Variants in DHRSX observed in about 807,000 individuals in gnomAD.
DHRSX encodes the protein dehydrogenase/reductase X-linked.
A neutral mutation model predicts 34.0 loss-of-function variants in DHRSX; 31 were observed. That is an observed-to-expected ratio of 0.91 (90% confidence interval 0.69 to 1.23). DHRSX has a LOEUF of 1.23. DHRSX is among the 50% of genes most tolerant of loss of function. The pLI, the probability that DHRSX is intolerant of heterozygous loss-of-function variation, is 0.00. For synonymous variants in DHRSX, 201 were observed against 183.8 expected (o/e 1.09, Z -0.76); for missense variants, 414 against 428.1 (o/e 0.97, Z 0.29).
intron 1 of DHRSX, among the ~76,000 whole-genome samples, chrX:2,460,136 C>G (rs1301476057): frequency 2.0e-5 from 3 of 152,002 alleles, no homozygotes; most frequent in Non-Finnish European, 4.4e-5. Context: ...AAAAAAGTAT[C>G]CACACTGCAG....
rs750263296 is a variant in DHRSX, at chrX:2,404,584, C to G, written c.286+4161G>C. 7.2e-5 allele frequency among the ~76,000 whole-genome samples: 11 copies of G among 152,302 alleles called. No individual in the cohort carries two copies. The South Asian group carries it at 2.3e-3, about 32-fold the overall frequency. On this transcript the variant is annotated intron_variant, in intron 3 of 6. Coordinates refer to ENST00000334651, the MANE Select transcript of DHRSX (RefSeq NM_145177.3). ...CAAGCATTATAAAAACTCTGCTTCTCTAGCTATACAGCTACAAAGTCACTA... is the reference window on the plus strand; with the variant it reads ...CAAGCATTATAAAAACTCTGCTTCTGTAGCTATACAGCTACAAAGTCACTA...
chrX:2,231,712 CT>C (rs369016684), intron 6 of DHRSX, among the ~76,000 whole-genome samples: 5 of 149,220 alleles, frequency 3.4e-5, no homozygotes, highest in South Asian at 2.1e-4. Context: ...CTCTATTCCT[CT>C]TTTTTTCTCC....
rs1210789022 is a variant in DHRSX at position 2,393,810 on chromosome X, G to A, written c.286+14935C>T. 1.0e-3 allele frequency among the ~76,000 whole-genome samples: 49 copies of A among 48,542 alleles called. 4 individuals carry two copies. Among genetic ancestry groups the A allele is most frequent in the Non-Finnish European group, 1.7e-3 (41 of 23,880 alleles). The allele number at this position is 48,542 out of a possible 152,430, so 31.8% of individuals were successfully genotyped here. A position where few individuals can be genotyped will look rare whatever the true frequency, so the allele number is the denominator to read the frequency against. On this transcript the variant is annotated intron_variant, in intron 3 of 6. Transcript: ENST00000334651. ...GGACCTCCCTGTCTCCTGCACACACGACACACAGGGACCTCCCCGTCTCCT... is the reference window on the plus strand; with the variant it reads ...GGACCTCCCTGTCTCCTGCACACACAACACACAGGGACCTCCCCGTCTCCT...
intron 2 of DHRSX, among the ~76,000 whole-genome samples, chrX:2,417,209 T>C (rs2043705686): frequency 6.6e-6 from 1 of 152,234 alleles, no homozygotes; most frequent in Admixed American, 6.5e-5. Flanking sequence ...GGTGCTGACA[T>C]ATACTGCTCC....
rs112253934 is a variant in DHRSX at position 2,232,332 on chromosome X, A to AAACAACAAC, written c.804+10682_804+10690dup. ...ATGAACTTGTATCCACTTGTTTTGA[A>AAACAACAAC]AACAACAACAACTAAAGCAACAGAA... On this transcript the variant is annotated intron_variant, in intron 6 of 6. Coordinates refer to ENST00000334651, the MANE Select transcript of DHRSX (RefSeq NM_145177.3). Among the ~76,000 whole-genome samples the AAACAACAAC allele has an allele frequency of 5.5e-4, 83 of 151,442 alleles. 1 individual carries two copies. The East Asian group carries it at 0.015, about 27-fold the overall frequency.
chrX:2,297,318 T>G (rs1462955199), intron 3 of DHRSX, among the ~76,000 whole-genome samples: 6 of 152,166 alleles, frequency 3.9e-5, no homozygotes, highest in African/African-American at 1.4e-4. Flanking sequence ...AGATCGGATT[T>G]TGCAATATTG....
intron 1 of DHRSX, among the ~76,000 whole-genome samples, chrX:2,494,552 A>G (rs898398154): frequency 5.9e-5 from 9 of 151,960 alleles, no homozygotes; most frequent in South Asian, 2.1e-4. Context: ...GGTACCTGGA[A>G]CAAAAGTTTA....
At chrX:2,441,623 C>T (rs2044063497) in intron 1 of DHRSX, among the ~76,000 whole-genome samples, 1 of 152,156 alleles carries the variant, frequency 6.6e-6, no homozygotes, top group African/African-American at 2.4e-5. Flanking sequence ...ATAGAATTCC[C>T]TCTTCCTTGG....
At chrX:2,391,819 G>A (rs1454982968) in intron 3 of DHRSX, among the ~76,000 whole-genome samples, 15 of 151,928 alleles carry the variant, frequency 9.9e-5, no homozygotes, top group African/African-American at 2.4e-5. Flanking sequence ...CCCAGCTACT[G>A]GGGAGACTGA....
intron 1 of DHRSX, among the ~76,000 whole-genome samples, chrX:2,467,023 C>T (rs1373335441): frequency 3.3e-5 from 5 of 150,844 alleles, no homozygotes; most frequent in Non-Finnish European, 7.4e-5. Flanking sequence ...CGAGATCGCG[C>T]CATTGCACTC....
chrX:2,370,590 G>GAAAAAAAAAAAACAAAA (rs2043045619), intron 3 of DHRSX, among the ~76,000 whole-genome samples: 1 of 132,696 alleles, frequency 7.5e-6, no homozygotes, highest in Non-Finnish European at 1.6e-5. Flanking sequence ...TGGTTTTACT[G>GAAAAAAAAAAAACAAAA]AAAAAAAAAA....
chrX:2,422,326 G>C (rs1395633932), intron 2 of DHRSX, among the ~76,000 whole-genome samples: 1 of 152,088 alleles, frequency 6.6e-6, no homozygotes, highest in Admixed American at 6.6e-5. Context: ...GCAGTGGCGC[G>C]ATCTCGGTTC....
chrX:2,342,814 T>TC (rs1157404723), intron 3 of DHRSX, among the ~76,000 whole-genome samples: 1 of 152,204 alleles, frequency 6.6e-6, no homozygotes, highest in Admixed American at 6.5e-5. Context: ...ATTGTTTTTT[T>TC]CAACTTGCAA....
chrX:2,317,589 A>G (rs1304862064), intron 3 of DHRSX, among the ~76,000 whole-genome samples: 1 of 151,798 alleles, frequency 6.6e-6, no homozygotes, highest in Non-Finnish European at 1.5e-5. Context: ...GGGCTTTGGT[A>G]TAGAAAGGGA....
At chrX:2,272,251 T>C (rs2041567687) in intron 4 of DHRSX, among the ~76,000 whole-genome samples, 3 of 152,176 alleles carry the variant, frequency 2.0e-5, no homozygotes, top group African/African-American at 7.2e-5. Context: ...ATTTTCCTCA[T>C]ATTTTATTTG....
At chrX:2,360,742 G>C (rs1342023767) in intron 3 of DHRSX, among the ~76,000 whole-genome samples, 1 of 151,996 alleles carries the variant, frequency 6.6e-6, no homozygotes, top group Non-Finnish European at 1.5e-5. Flanking sequence ...CTGCTCTCTT[G>C]GTGGAGTTGG....
At chrX:2,303,598 C>T (rs1457602515) in intron 3 of DHRSX, among the ~76,000 whole-genome samples, 1 of 152,122 alleles carries the variant, frequency 6.6e-6, no homozygotes, top group Non-Finnish European at 1.5e-5. Context: ...AATTAAACCT[C>T]TTTTCTTTAT....
chrX:2,411,986 C>T (rs997611679), intron 2 of DHRSX, among the ~76,000 whole-genome samples: 3 of 152,152 alleles, frequency 2.0e-5, no homozygotes, highest in African/African-American at 4.8e-5. Context: ...TGAGGTGGCA[C>T]GTGCGGTATC....
intron 3 of DHRSX, among the ~76,000 whole-genome samples, chrX:2,298,185 G>C: frequency 6.6e-6 from 1 of 152,142 alleles, no homozygotes; most frequent in South Asian, 2.1e-4. Flanking sequence ...CCCAGGAGCT[G>C]GGGGAGGCCA....
Sources: gnomAD v4.1 joint callset for allele counts (sites outside exome capture counted in the v4.1 genomes callset) on GRCh38, gnomAD v4.1.1 for gene constraint, MANE v1.5 for transcripts, NCBI Gene and HGNC (gene_info 2026-07-23, HGNC 2026-07-21) for gene names.